SPACA6: variants seen among roughly 807,000 people sequenced by gnomAD.
SPACA6 encodes sperm acrosome associated 6, also known as sperm acrosome membrane-associated protein 6.
For synonymous variants in SPACA6, 6 were observed against 1.5 expected (o/e 4.05, Z -2.21); for missense variants, 8 against 2.8 (o/e 2.88, Z -1.34).
intron 3 of SPACA6, 56 bp from the exon 4 acceptor site, chr19:51,702,573 C>G (rs1464656765): frequency 8.0e-6 from 3 of 376,312 alleles, no homozygotes; most frequent in Non-Finnish European, 9.1e-6. Context: ...AGGGGAGCAT[C>G]GGGCAAGGGT....
intron 8 of SPACA6, 56 bp downstream of exon 8, chr19:51,704,536 C>T: frequency 2.5e-6 from 1 of 400,948 alleles, no homozygotes; most frequent in Non-Finnish European, 4.4e-6. Context: ...TCTCAGATCC[C>T]ACCGAGAAGT....
rs1454497590 is a variant in SPACA6 at position 51,693,551 on chromosome 19, G to A, written c.25G>A (p.Ala9Thr). 4.2e-6 allele frequency: 2 copies of A among 473,288 alleles called. No homozygotes were observed. Among genetic ancestry groups the A allele is most frequent in the Non-Finnish European group, 7.7e-6 (2 of 259,976 alleles). The allele number at this position is 473,288 out of a possible 1,614,324, so 29.3% of individuals were successfully genotyped here. ...GATGGCCCTGCTGGCTCTGGCCAGT[G>A]CCGTCCCGTCTGCCCTGCTGGCCCT... The part of the protein sequence containing the change: MALLALAS[A>T]VPSALLALAV... Residue 9 changes from alanine to threonine, a missense_variant, in exon 1 of 9, where the codon GCC (alanine) becomes ACC (threonine). Coordinates refer to ENST00000637797, the MANE Select transcript of SPACA6 (RefSeq NM_001316972.2).
intron 2 of SPACA6, among the ~76,000 whole-genome samples, chr19:51,697,452 A>G (rs2083438371): frequency 6.6e-6 from 1 of 152,156 alleles, no homozygotes; most frequent in Admixed American, 6.5e-5. Context: ...TGCCATACAC[A>G]GAGTCATTCA....
At chr19:51,685,290 T>G (rs1399879697), upstream of SPACA6, 4 of 152,148 alleles carry the variant, frequency 2.6e-5, no homozygotes, top group African/African-American at 9.7e-5. Flanking sequence ...CAATATTGGG[T>G]AGCAGAGACT....
chr19:51,698,786 C>T (rs567313148), intron 2 of SPACA6, among the ~76,000 whole-genome samples: 29 of 152,282 alleles, frequency 1.9e-4, no homozygotes, highest in African/African-American at 6.0e-4. Flanking sequence ...GCTTTAAGCC[C>T]GTAGGAAGTT....
At chr19:51,693,803 GC>G in intron 1 of SPACA6, 63 bp downstream of exon 1, 1 of 403,118 alleles carries the variant, frequency 2.5e-6, no homozygotes, top group South Asian at 1.3e-4. Flanking sequence ...GGCAGGAGAG[GC>G]CCAGAGGGTC....
chr19:51,694,611 G>A (rs1007562102), intron 2 of SPACA6, 56 bp downstream of exon 2: 3 of 399,396 alleles, frequency 7.5e-6, no homozygotes, highest in East Asian at 3.6e-5. Context: ...CCTAAGAAAT[G>A]GGTATGTGGG....
chr19:51,712,305 G>A (rs4802847), exon 3 of SPACA6: 36,942 of 152,058 alleles, frequency 0.24, 5,202 homozygotes, highest in Non-Finnish European at 0.32. Flanking sequence ...GTGAGCCACC[G>A]CGCTCAGCCA....
At chr19:51,702,540 C>T in intron 3 of SPACA6, 89 bp from the exon 4 acceptor site, 1 of 398,082 alleles carries the variant, frequency 2.5e-6, no homozygotes, top group African/African-American at 2.1e-5. Context: ...CGGAGCAATG[C>T]TTCGGGCCTT....
chr19:51,686,791 C>A (rs895895013), upstream of SPACA6: 1 of 152,138 alleles, frequency 6.6e-6, no homozygotes, highest in African/African-American at 2.4e-5. Context: ...AATAAGGTTT[C>A]TGTGTAATCA....
chr19:51,702,281 G>A (rs1454021525), intron 3 of SPACA6, among the ~76,000 whole-genome samples: 2 of 151,942 alleles, frequency 1.3e-5, no homozygotes, highest in African/African-American at 2.4e-5. Flanking sequence ...CACCACCTTA[G>A]CCTTGGTCTC....
At chr19:51,704,207 G>A (rs532826297) in intron 7 of SPACA6, 21 bp downstream of exon 7, 1 of 401,012 alleles carries the variant, frequency 2.5e-6, no homozygotes, top group Non-Finnish European at 4.4e-6. Context: ...GCGCGGCCGC[G>A]TGAGTGAGCG....
At chr19:51,684,367 A>G (rs902494611), upstream of SPACA6, among the ~76,000 whole-genome samples, 2 of 152,198 alleles carry the variant, frequency 1.3e-5, no homozygotes, top group African/African-American at 4.8e-5. Context: ...AACAAAAAGA[A>G]GGTATGGCCC....
rs1013054944 is a variant in SPACA6, at chr19:51,704,500, G to A, written c.941+20G>A. Reference sequence around the variant, plus strand: ...GGCGTGGTGAGTTCTGGGGACTCCGGAGCCCCAGCATCTAGCTCCCCGCTG... The same window carrying A: ...GGCGTGGTGAGTTCTGGGGACTCCGAAGCCCCAGCATCTAGCTCCCCGCTG... On this transcript the variant is annotated intron_variant, in intron 8 of 8. Coordinates refer to ENST00000637797, the MANE Select transcript of SPACA6 (RefSeq NM_001316972.2). The A allele has an allele frequency of 1.5e-5, 6 of 400,928 alleles. No individual in the cohort carries two copies. Among genetic ancestry groups the A allele is most frequent in the Non-Finnish European group, 2.7e-5 (6 of 226,154 alleles). 24.8% of individuals were successfully genotyped at this position (400,928 alleles called of 1,614,324 possible).
chr19:51,707,634 A>G (rs900722625), downstream of SPACA6, among the ~76,000 whole-genome samples: 3 of 152,170 alleles, frequency 2.0e-5, no homozygotes, highest in Non-Finnish European at 4.4e-5. Context: ...TGAGTGTCCT[A>G]TAATTCATTT....
chr19:51,691,356 G>A (rs1395960440), upstream of SPACA6, among the ~76,000 whole-genome samples: 1 of 151,382 alleles, frequency 6.6e-6, no homozygotes, highest in East Asian at 2.0e-4. Context: ...GGGAAGGGGC[G>A]GAGGGAGAGG....
upstream of SPACA6, chr19:51,693,062 G>C (rs1600133695): frequency 5.5e-6 from 2 of 361,092 alleles, no homozygotes; most frequent in African/African-American, 4.3e-5. Context: ...TGTGGCTTCT[G>C]TGTCTCTTTC....
chr19:51,698,126 A>C (rs2083443503), intron 2 of SPACA6, among the ~76,000 whole-genome samples: 2 of 152,164 alleles, frequency 1.3e-5, no homozygotes. Context: ...CATTTGATGA[A>C]TGAGGAAACT....
intron 2 of SPACA6, 68 bp from the exon 3 acceptor site, chr19:51,701,590 C>T: frequency 2.5e-6 from 1 of 397,556 alleles, no homozygotes; most frequent in African/African-American, 2.1e-5. Context: ...GATCAGAATG[C>T]AGGACCAAGG....
Sources: allele counts gnomAD v4.1 joint callset (sites outside exome capture counted in the v4.1 genomes callset), GRCh38; gene constraint gnomAD v4.1.1; transcripts MANE v1.5; gene names NCBI Gene and HGNC (gene_info 2026-07-23, HGNC 2026-07-21).